Variants in DPYD observed in about 807,000 individuals in gnomAD.
The protein encoded by DPYD is dihydropyrimidine dehydrogenase [NADP(+)].
In DPYD, 109 loss-of-function variants were observed where a neutral mutation model predicts 116.2. The observed-to-expected ratio is 0.94, with a 90% CI of 0.80 to 1.10. The LOEUF (loss-of-function observed/expected upper bound fraction) is 1.10, where lower values mean the gene tolerates loss of function less well. DPYD is among the 50% of genes least tolerant of loss of function. The pLI is 0.00. For missense variants in DPYD, 1,302 were observed against 1,254.5 expected, an observed-to-expected ratio of 1.04 and a Z score of -0.57; for synonymous variants, 440 against 432.0, an observed-to-expected ratio of 1.02 and a Z score of -0.23.
intron 16 of DPYD, among the ~76,000 whole-genome samples, chr1:97,353,776 T>C (rs1012768837): frequency 1.1e-4 from 16 of 152,156 alleles, no homozygotes; most frequent in African/African-American, 3.9e-4. Context: ...AGTATTTATA[T>C]AGAGGAACTT....
chr1:97,202,250 G>T (rs1055035420), intron 19 of DPYD, among the ~76,000 whole-genome samples: 1 of 152,128 alleles, frequency 6.6e-6, no homozygotes, highest in African/African-American at 2.4e-5. Context: ...TCATTGATCA[G>T]TCCAAATGGT....
intron 18 of DPYD, among the ~76,000 whole-genome samples, chr1:97,289,807 T>C (rs530483885): frequency 2.0e-5 from 3 of 151,030 alleles, no homozygotes; most frequent in Non-Finnish European, 4.4e-5. Flanking sequence ...TCGCCACTCC[T>C]ATTCAACATA....
At chr1:97,362,789 C>A (rs1042136176) in intron 16 of DPYD, among the ~76,000 whole-genome samples, 1 of 151,970 alleles carries the variant, frequency 6.6e-6, no homozygotes, top group Non-Finnish European at 1.5e-5. Context: ...TTACACCTTA[C>A]ACAAAAATTA....
chr1:97,339,515 C>A (rs1669485015), intron 16 of DPYD, among the ~76,000 whole-genome samples: 1 of 152,090 alleles, frequency 6.6e-6, no homozygotes, highest in Non-Finnish European at 1.5e-5. Flanking sequence ...TTTATACCAG[C>A]CAATCAATAT....
chr1:97,187,969 C>G (rs1658109794), intron 20 of DPYD, among the ~76,000 whole-genome samples: 1 of 152,082 alleles, frequency 6.6e-6, no homozygotes, highest in Non-Finnish European at 1.5e-5. Flanking sequence ...GTTTTTATTA[C>G]CACAGCCTAA....
At chr1:97,336,886 A>G (rs1472660497) in intron 16 of DPYD, among the ~76,000 whole-genome samples, 2 of 152,204 alleles carry the variant, frequency 1.3e-5, no homozygotes, top group East Asian at 3.9e-4. Context: ...CAGAGATGGG[A>G]TTGAATGGAA....
intron 10 of DPYD, among the ~76,000 whole-genome samples, chr1:97,581,195 C>T (rs903165110): frequency 4.0e-5 from 6 of 151,762 alleles, no homozygotes; most frequent in African/African-American, 1.2e-4. Context: ...GGGGTGGTGG[C>T]GGGCGCCTGT....
At position 97,193,194 on chromosome 1, in the gene DPYD, C is replaced by A; in HGVS notation, c.2497G>T (p.Gly833Cys). ...DFTVIEDYCT[G>C]LKALLYLKSI... ...TTCAGATAAAGCAGGGCTTTGAGGC[C>A]AGTGCAGTAGTCTTCGATCACAGTG... The change falls in exon 20 of 23, where the codon GGC becomes TGC. Residue 833 changes from glycine (G) to cysteine (C), a missense_variant. Coordinates refer to ENST00000370192, the MANE Select transcript of DPYD (RefSeq NM_000110.4). 3 of 1,613,952 alleles carry A rather than the reference C, an allele frequency of 1.9e-6. No individual in the cohort carries two copies. Among genetic ancestry groups the A allele is most frequent in the South Asian group, 1.1e-5 (1 of 91,070 alleles).
chr1:97,399,095 C>T (rs1673194624), intron 14 of DPYD, among the ~76,000 whole-genome samples: 1 of 152,166 alleles, frequency 6.6e-6, no homozygotes, highest in Non-Finnish European at 1.5e-5. Flanking sequence ...ACATGTAAGT[C>T]TTTAATCGGT....
At position 97,147,948 on chromosome 1, in the gene DPYD, T is replaced by A. The variant is rs79277703; in HGVS notation, c.2622+45121A>T. On this transcript the variant is annotated intron_variant, in intron 20 of 22. Coordinates refer to ENST00000370192, the MANE Select transcript of DPYD (RefSeq NM_000110.4). ...CCTAAGTTACAAAGTGTGTGCACTT[T>A]GGATAGATACATGACTACTTTATTG... 2.2e-3 allele frequency among the ~76,000 whole-genome samples: 331 copies of A among 152,254 alleles called. 1 individual carries two copies. Among genetic ancestry groups the A allele is most frequent in the African/African-American group, 7.6e-3 (317 of 41,540 alleles).
chr1:97,392,864 A>G (rs1018714404), intron 14 of DPYD, among the ~76,000 whole-genome samples: 5 of 151,958 alleles, frequency 3.3e-5, no homozygotes, highest in Admixed American at 2.0e-4. Flanking sequence ...GAAGTCTTGA[A>G]TCCCTCACAA....
chr1:97,590,022 AC>A (rs1347705839), intron 10 of DPYD, among the ~76,000 whole-genome samples: 2 of 152,062 alleles, frequency 1.3e-5, no homozygotes, highest in Non-Finnish European at 2.9e-5. Context: ...ACCTTTCAAA[AC>A]CTGTATCTTA....
At position 97,082,444 on chromosome 1, in the gene DPYD, G is replaced by C. The variant is rs2101558746; in HGVS notation, c.2793C>G (p.Tyr931Ter). The change falls in exon 22 of 23, where the codon TAC becomes TAG. Residue 931 changes from tyrosine to a stop codon, truncating the protein, a stop_gained. Transcript: ENST00000370192. LOFTEE classifies it high-confidence loss of function. ...IKDVIGKALQ[Y>*]LGTFGELSNV... ...TGCTCAATTCACCAAATGTTCCAAG[G>C]TACTGCAGTGCTTTTCCTATTACAT... 1 of 1,613,496 alleles carries C rather than the reference G, an allele frequency of 6.2e-7. No homozygotes were observed. Among genetic ancestry groups the C allele is most frequent in the Non-Finnish European group, 8.5e-7 (1 of 1,179,598 alleles).
intron 18 of DPYD, among the ~76,000 whole-genome samples, chr1:97,292,286 G>A (rs962602278): frequency 6.6e-6 from 1 of 152,162 alleles, no homozygotes; most frequent in Non-Finnish European, 1.5e-5. Context: ...ATGTATAAAA[G>A]AAAGAGATTT....
chr1:97,753,084 T>C (rs1665022549), intron 3 of DPYD, among the ~76,000 whole-genome samples: 1 of 152,234 alleles, frequency 6.6e-6, no homozygotes, highest in Admixed American at 6.5e-5. Context: ...AAGGGGTTAC[T>C]ATATGCTAGC....
chr1:97,135,039 C>A (rs1487665336), intron 20 of DPYD, among the ~76,000 whole-genome samples: 2 of 151,740 alleles, frequency 1.3e-5, no homozygotes, highest in Admixed American at 1.3e-4. Context: ...TTTAAAAAAT[C>A]AGCCTAAAAG....
intron 14 of DPYD, among the ~76,000 whole-genome samples, chr1:97,397,228 T>A (rs911088711): frequency 1.3e-5 from 2 of 152,026 alleles, no homozygotes; most frequent in Non-Finnish European, 2.9e-5. Flanking sequence ...TATATACGCA[T>A]GTATAAAAGA....
At chr1:97,115,075 G>A (rs1360465645) in intron 20 of DPYD, among the ~76,000 whole-genome samples, 1 of 152,156 alleles carries the variant, frequency 6.6e-6, no homozygotes, top group Non-Finnish European at 1.5e-5. Flanking sequence ...AAGGACCATA[G>A]TGTAAATAGG....
chr1:97,839,878 T>G lies in DPYD; in HGVS notation c.151-11682A>C, dbSNP rs892998296. ...CTAGACATTATTAATCTCCTACATA[T>G]GCCAGTTGGAGACTGAAAAGCATTT... On this transcript the variant is annotated intron_variant, in intron 2 of 22. Coordinates refer to ENST00000370192, the MANE Select transcript of DPYD (RefSeq NM_000110.4). 1.1e-4 allele frequency among the ~76,000 whole-genome samples: 16 copies of G among 152,216 alleles called. 1 individual carries two copies.
Sources: gnomAD v4.1 joint callset for allele counts (sites outside exome capture counted in the v4.1 genomes callset) on GRCh38, gnomAD v4.1.1 for gene constraint, MANE v1.5 for transcripts, NCBI Gene and HGNC (gene_info 2026-07-23, HGNC 2026-07-21) for gene names.